The following ROBO2 variants were observed in gnomAD, a reference collection of about 807,000 sequenced individuals.
ROBO2 encodes roundabout guidance receptor 2, also known as roundabout homolog 2.
A neutral mutation model predicts 160.8 loss-of-function variants in ROBO2; 53 were observed. The observed-to-expected ratio is 0.33, with a 90% CI of 0.26 to 0.41. ROBO2 has a LOEUF of 0.41. ROBO2 is among the 10% of genes least tolerant of loss of function. The pLI, the probability that ROBO2 is intolerant of heterozygous loss-of-function variation, is 1.00. For missense variants in ROBO2, 1,577 were observed against 1,722.4 expected (o/e 0.92, Z 1.49); for synonymous variants, 664 against 611.7 (o/e 1.09, Z -1.26).
chr3:76,066,820 T>G (rs2068268127), intron 2 of ROBO2, among the ~76,000 whole-genome samples: 2 of 151,904 alleles, frequency 1.3e-5, no homozygotes, highest in African/African-American at 4.8e-5. Context: ...GAAATAATAT[T>G]TTATATAAAT....
At chr3:76,843,739 C>T (rs978145531) in intron 2 of ROBO2, among the ~76,000 whole-genome samples, 1 of 151,710 alleles carries the variant, frequency 6.6e-6, no homozygotes, top group African/African-American at 2.4e-5. Flanking sequence ...GAATTCAATT[C>T]TGCATTTTTA....
chr3:75,954,245 C>A (rs1948651040), intron 2 of ROBO2, among the ~76,000 whole-genome samples: 1 of 151,826 alleles, frequency 6.6e-6, no homozygotes, highest in African/African-American at 2.4e-5. Flanking sequence ...TTTTATTCCT[C>A]AGGCGTCTCC....
intron 2 of ROBO2, among the ~76,000 whole-genome samples, chr3:76,871,845 A>C (rs868674780): frequency 2.4e-4 from 37 of 152,294 alleles, no homozygotes; most frequent in African/African-American, 8.9e-4. Flanking sequence ...TTAGAGCTAG[A>C]CTGACCATAA....
intron 2 of ROBO2, among the ~76,000 whole-genome samples, chr3:76,189,281 A>G (rs1459949810): frequency 1.3e-5 from 2 of 152,152 alleles, no homozygotes; most frequent in African/African-American, 4.8e-5. Context: ...TTGAAGAGAA[A>G]GTATTCAACA....
chr3:76,058,070 T>C lies in ROBO2; in HGVS notation c.109+120468T>C, dbSNP rs375026152. Among the ~76,000 whole-genome samples the C allele has an allele frequency of 8.1e-4, 122 of 149,826 alleles. 1 individual carries two copies. The highest frequency in any genetic ancestry group is 3.0e-3 in the African/African-American group (119 of 40,236). ...GAGGATAGTGTTATAAGGTTCAGAA[T>C]TGTACTCATTATAAAGAGCTTTTTG... On this transcript the variant is annotated intron_variant, in intron 2 of 26. Coordinates refer to the ROBO2 transcript ENST00000487694.
intron 24 of ROBO2, among the ~76,000 whole-genome samples, chr3:77,642,016 TA>T (rs2095357376): frequency 6.6e-6 from 1 of 152,234 alleles, no homozygotes; most frequent in African/African-American, 2.4e-5. Flanking sequence ...GAACATTGGT[TA>T]TTACTTATTA....
At chr3:76,026,936 C>A (rs2066766884) in intron 2 of ROBO2, among the ~76,000 whole-genome samples, 1 of 151,868 alleles carries the variant, frequency 6.6e-6, no homozygotes, top group African/African-American at 2.4e-5. Flanking sequence ...TCTCCAGAAC[C>A]CCTCTTCAAG....
intron 2 of ROBO2, among the ~76,000 whole-genome samples, chr3:75,980,579 C>T (rs994304583): frequency 6.6e-5 from 10 of 151,592 alleles, no homozygotes; most frequent in South Asian, 6.2e-4. Context: ...TGAAATATGT[C>T]GAGTTTCTGT....
At chr3:77,289,587 A>ACG (rs2060917225) in intron 2 of ROBO2, among the ~76,000 whole-genome samples, 1 of 151,942 alleles carries the variant, frequency 6.6e-6, no homozygotes, top group African/African-American at 2.4e-5. Flanking sequence ...AGGCTAGATC[A>ACG]CCAAAGACAT....
At chr3:76,246,607 A>G (rs1034573827) in intron 2 of ROBO2, among the ~76,000 whole-genome samples, 2 of 152,158 alleles carry the variant, frequency 1.3e-5, no homozygotes, top group African/African-American at 4.8e-5. Flanking sequence ...CCACCTTAGT[A>G]TTATTCCCTA....
intron 2 of ROBO2, among the ~76,000 whole-genome samples, chr3:77,266,769 T>C (rs368035406): frequency 1.1e-4 from 16 of 152,276 alleles, no homozygotes; most frequent in East Asian, 5.8e-4. Context: ...TGGAAGATTG[T>C]TGTGAGAAGG....
chr3:76,939,865 A>T (rs1364786029), intron 2 of ROBO2, among the ~76,000 whole-genome samples: 1 of 151,998 alleles, frequency 6.6e-6, no homozygotes, highest in South Asian at 2.1e-4. Context: ...TCTGCAGTCC[A>T]CTGAATCTGT....
At chr3:76,108,223 G>T (rs571536557) in intron 2 of ROBO2, among the ~76,000 whole-genome samples, 1 of 151,970 alleles carries the variant, frequency 6.6e-6, no homozygotes, top group African/African-American at 2.4e-5. Context: ...ATAGTTTGAC[G>T]TTGAAATTTT....
intron 2 of ROBO2, among the ~76,000 whole-genome samples, chr3:77,219,956 T>C (rs2085556710): frequency 6.6e-6 from 1 of 151,528 alleles, no homozygotes; most frequent in Non-Finnish European, 1.5e-5. Flanking sequence ...TAGATGGCAA[T>C]AGAATTTGTT....
chr3:77,439,224 TG>T (rs2079648621), intron 2 of ROBO2, among the ~76,000 whole-genome samples: 1 of 152,054 alleles, frequency 6.6e-6, no homozygotes, highest in Non-Finnish European at 1.5e-5. Context: ...AGTAATATCT[TG>T]TAAGTTATTA....
intron 2 of ROBO2, among the ~76,000 whole-genome samples, chr3:76,453,382 A>C (rs1030965938): frequency 6.6e-6 from 1 of 152,158 alleles, no homozygotes; most frequent in Admixed American, 6.6e-5. Flanking sequence ...TCCAGTTTCA[A>C]CTTCCTACAT....
In ROBO2 at chr3:77,293,559, A is replaced by T. The variant is rs567926651; in HGVS notation, c.389-183855A>T. 2.7e-5 allele frequency among the ~76,000 whole-genome samples: 4 copies of T among 147,322 alleles called. 1 individual carries two copies. Among genetic ancestry groups the T allele is most frequent in the African/African-American group, 1.1e-4 (4 of 37,960 alleles). On this transcript the variant is annotated intron_variant, in intron 2 of 25. Coordinates refer to ENST00000461745, the Ensembl canonical transcript of ROBO2. ...TGAGGCTAGAGCACTAAAGACATAA[A>T]GTAAAATTGACGGGTAAACGGGTAA...
chr3:76,454,725 T>A (rs531933585), intron 2 of ROBO2, among the ~76,000 whole-genome samples: 13 of 152,152 alleles, frequency 8.5e-5, no homozygotes, highest in Admixed American at 3.3e-4. Context: ...ATTAAATAAT[T>A]TTTTTAAACA....
At chr3:77,300,208 T>C (rs955871478) in intron 2 of ROBO2, among the ~76,000 whole-genome samples, 2 of 151,354 alleles carry the variant, frequency 1.3e-5, no homozygotes, top group Non-Finnish European at 2.9e-5. Context: ...TTTTTACTGC[T>C]CTTTCTCAAA....
Sources: gnomAD v4.1 joint callset for allele counts (sites outside exome capture counted in the v4.1 genomes callset) on GRCh38, gnomAD v4.1.1 for gene constraint, MANE v1.5 for transcripts, NCBI Gene and HGNC (gene_info 2026-07-23, HGNC 2026-07-21) for gene names.